The following NAV2 variants were observed in gnomAD, a reference collection of about 807,000 sequenced individuals.
The protein encoded by NAV2 is helicase, APC down-regulated 1.
Under a neutral mutation model 223.2 loss-of-function variants are expected in NAV2, and 54 were observed. The observed-to-expected ratio is 0.24, with a 90% confidence interval of 0.19 to 0.30. NAV2 has a LOEUF of 0.30. NAV2 is among the 10% of genes least tolerant of loss of function. The probability of loss-of-function intolerance (pLI) is 1.00; values close to 1 mark genes in which losing one functional copy is unlikely to be tolerated. For synonymous variants in NAV2, 1,279 were observed against 1,239.3 expected, an observed-to-expected ratio of 1.03 and a Z score of -0.67; for missense variants, 2,806 against 3,147.5, an observed-to-expected ratio of 0.89 and a Z score of 2.60.
intron 11 of NAV2, among the ~76,000 whole-genome samples, chr11:20,009,534 C>T (rs946013463): frequency 3.3e-5 from 5 of 152,112 alleles, no homozygotes; most frequent in Admixed American, 6.5e-5. Flanking sequence ...ATGCAAACAG[C>T]GCTGTGAGAT....
intron 1 of NAV2, among the ~76,000 whole-genome samples, chr11:19,717,718 C>T (rs1371065572): frequency 2.0e-5 from 3 of 152,104 alleles, no homozygotes; most frequent in Admixed American, 1.3e-4. Context: ...TGAGAAGATC[C>T]GGAGAGGGTG....
At chr11:19,640,536 C>T (rs113060865) in intron 1 of NAV2, among the ~76,000 whole-genome samples, 1 of 151,678 alleles carries the variant, frequency 6.6e-6, no homozygotes, top group Non-Finnish European at 1.5e-5. Context: ...CTTTTTTTCC[C>T]CTTCCATATC....
Position 20,090,946 on chromosome 11 carries a change from G to A in NAV2, c.5580G>A (p.Thr1860=), listed in dbSNP as rs1837971. The A allele has an allele frequency of 0.51, 818,001 of 1,613,466 alleles. 211,310 individuals are homozygous for A. Among genetic ancestry groups the A allele is most frequent in the South Asian group, 0.74 (66,945 of 91,052 alleles). Residue 1860 remains threonine, a synonymous_variant, in exon 27 of 38, where the codon ACG becomes ACA. Coordinates refer to ENST00000349880, the MANE Select transcript of NAV2 (RefSeq NM_145117.5). ...TAAGAGACAAGGAGATGAAGCTGAC[G>A]GATATCCGCTTAGAAGCTCTCAGTT... ...NELRDKEMKL[T]DIRLEALSSA...
At chr11:19,913,972 G>A (rs1308195897) in intron 6 of NAV2, among the ~76,000 whole-genome samples, 1 of 151,156 alleles carries the variant, frequency 6.6e-6, no homozygotes, top group East Asian at 1.9e-4. Flanking sequence ...GACATCAGCT[G>A]TGGACTCCCC....
intron 1 of NAV2, among the ~76,000 whole-genome samples, chr11:19,379,786 T>G (rs747847746): frequency 6.6e-6 from 1 of 152,180 alleles, no homozygotes; most frequent in African/African-American, 2.4e-5. Context: ...CCTTTTTTTC[T>G]GTTTTGCTGT....
intron 6 of NAV2, among the ~76,000 whole-genome samples, chr11:19,917,246 A>T (rs919903018): frequency 1.3e-5 from 2 of 152,216 alleles, no homozygotes; most frequent in Non-Finnish European, 2.9e-5. Context: ...CCACTCCCAC[A>T]TTCTGAACAA....
In NAV2 at chr11:20,054,103, G is replaced by A. The variant is rs553738996; in HGVS notation, c.4505G>A (p.Arg1502His). The change falls in exon 18 of 38, where the codon CGC becomes CAC. Residue 1502 changes from arginine to histidine, a missense_variant. Coordinates refer to ENST00000349880, the MANE Select transcript of NAV2 (RefSeq NM_145117.5). ...AGGTATACTCCCACCTCCCAGCTTC[G>A]CACGCAAGAAGATGCAAAAGAATGG... Reference protein sequence around the residue: ...GLRYTPTSQLRTQEDAKEWLR... With the variant: ...GLRYTPTSQLHTQEDAKEWLR... 2.2e-5 allele frequency: 36 copies of A among 1,611,986 alleles called. 1 individual carries two copies. The highest frequency in any genetic ancestry group is 1.7e-4 in the Middle Eastern group (1 of 6,058).
chr11:19,688,406 G>A (rs2049080625), intron 1 of NAV2, among the ~76,000 whole-genome samples: 1 of 152,172 alleles, frequency 6.6e-6, no homozygotes, highest in African/African-American at 2.4e-5. Flanking sequence ...GTGAGAAGCT[G>A]TGATTCTCAG....
intron 10 of NAV2, among the ~76,000 whole-genome samples, chr11:19,970,465 C>G (rs1323852034): frequency 6.6e-6 from 1 of 152,188 alleles, no homozygotes; most frequent in South Asian, 2.1e-4. Context: ...CCCAGTCCAA[C>G]AATTTAATTG....
intron 11 of NAV2, among the ~76,000 whole-genome samples, chr11:20,013,712 A>G (rs1399341059): frequency 6.6e-6 from 1 of 152,232 alleles, no homozygotes; most frequent in Non-Finnish European, 1.5e-5. Context: ...GAAAGTCTGC[A>G]GTAAATTCAA....
intron 22 of NAV2, among the ~76,000 whole-genome samples, chr11:20,075,637 G>T (rs966872953): frequency 6.6e-6 from 1 of 151,980 alleles, no homozygotes; most frequent in African/African-American, 2.4e-5. Flanking sequence ...CCCTGCCAGC[G>T]GTTGATTCTA....
intron 1 of NAV2, among the ~76,000 whole-genome samples, chr11:19,592,021 G>T: frequency 6.6e-6 from 1 of 152,190 alleles, no homozygotes; most frequent in Admixed American, 6.5e-5. Flanking sequence ...CACACTTATT[G>T]ATCTTCCCTC....
intron 1 of NAV2, among the ~76,000 whole-genome samples, chr11:19,412,515 T>A (rs1243747771): frequency 6.6e-6 from 1 of 152,096 alleles, no homozygotes; most frequent in African/African-American, 2.4e-5. Flanking sequence ...CTTAAACGTC[T>A]GCTGAAACGT....
intron 1 of NAV2, among the ~76,000 whole-genome samples, chr11:19,655,522 G>T (rs1186023587): frequency 6.6e-6 from 1 of 152,106 alleles, no homozygotes; most frequent in African/African-American, 2.4e-5. Flanking sequence ...ACTGGGTTAA[G>T]AAAATGTGGC....
intron 23 of NAV2, 56 bp from the exon 24 acceptor site, chr11:20,077,937 G>A: frequency 5.0e-6 from 7 of 1,413,838 alleles, no homozygotes; most frequent in Non-Finnish European, 5.9e-6. Context: ...TTGTACTTCA[G>A]TTGAACTCTG....
chr11:20,046,596 T>TCACACACACACACACACACACACACACA (rs61668060), intron 14 of NAV2, among the ~76,000 whole-genome samples: 2 of 145,862 alleles, frequency 1.4e-5, no homozygotes, highest in Non-Finnish European at 3.0e-5. Context: ...CCCCTCCCCA[T>TCACACACACACACACACACACACACACA]CACACACACA....
intron 1 of NAV2, among the ~76,000 whole-genome samples, chr11:19,680,769 C>T (rs1046646485): frequency 4.6e-5 from 7 of 152,126 alleles, no homozygotes; most frequent in Non-Finnish European, 7.3e-5. Context: ...GCAAGCATTC[C>T]AGAAGTGGTA....
intron 1 of NAV2, among the ~76,000 whole-genome samples, chr11:19,545,696 G>A (rs538221121): frequency 7.8e-4 from 118 of 152,254 alleles, no homozygotes; most frequent in Middle Eastern, 6.8e-3. Context: ...CGCGGCCCAG[G>A]GTGGCTTTAA....
chr11:19,686,113 T>C (rs1452041239), intron 1 of NAV2, among the ~76,000 whole-genome samples: 2 of 152,120 alleles, frequency 1.3e-5, no homozygotes, highest in Non-Finnish European at 2.9e-5. Context: ...CCCCAGGGCC[T>C]CCTCCTTGGC....
Sources: gnomAD v4.1 joint callset for allele counts (sites outside exome capture counted in the v4.1 genomes callset) on GRCh38, gnomAD v4.1.1 for gene constraint, MANE v1.5 for transcripts, NCBI Gene and HGNC (gene_info 2026-07-23, HGNC 2026-07-21) for gene names.